Variants in DNAH12 observed in about 807,000 individuals in gnomAD.
The protein encoded by DNAH12 is axonemal beta dynein heavy chain 12.
DNAH12 carries 285 observed loss-of-function variants against 371.5 expected under a neutral mutation model. The observed-to-expected ratio is 0.77, with a 90% CI of 0.70 to 0.85. The LOEUF (loss-of-function observed/expected upper bound fraction) is 0.85, where lower values mean the gene tolerates loss of function less well. DNAH12 is among the 40% of genes least tolerant of loss of function. The pLI, the probability that DNAH12 is intolerant of heterozygous loss-of-function variation, is 0.00. For missense variants in DNAH12, 3,611 were observed against 3,689.4 expected, an observed-to-expected ratio of 0.98 and a Z score of 0.55; for synonymous variants, 1,200 against 1,213.0, an observed-to-expected ratio of 0.99 and a Z score of 0.22.
chr3:57,518,740 C>G (rs1214865985), intron 4 of DNAH12, among the ~76,000 whole-genome samples: 1 of 151,956 alleles, frequency 6.6e-6, no homozygotes, highest in Non-Finnish European at 1.5e-5. Context: ...CATGAGTAAC[C>G]GGATTGATGG....
intron 11 of DNAH12, among the ~76,000 whole-genome samples, chr3:57,500,237 C>T (rs1337098412): frequency 6.6e-6 from 1 of 152,066 alleles, no homozygotes; most frequent in Non-Finnish European, 1.5e-5. Context: ...GATGGGGTTT[C>T]GCCATGTTGG....
At position 57,468,750 on chromosome 3, in the gene DNAH12, T is replaced by C. The variant is rs914543332; in HGVS notation, c.2335A>G (p.Ile779Val). The C allele has an allele frequency of 1.4e-6, 2 of 1,443,920 alleles. No homozygotes were observed. Among genetic ancestry groups the C allele is most frequent in the Non-Finnish European group, 1.8e-6 (2 of 1,104,100 alleles). The allele number at this position is 1,443,920 out of a possible 1,614,324, so 89.4% of individuals were successfully genotyped here. Residue 779 changes from isoleucine to valine, a missense_variant, in exon 17 of 74, where the codon ATA becomes GTA. By Grantham distance (29) the Ile-to-Val change is conservative (BLOSUM62 3). Around this residue, in one of 3 missense-constraint regions of DNAH12, gnomAD observed 1,314 missense variants for 1,398.7 expected, o/e 0.94. Transcript: ENST00000495027. Reference sequence around the variant, plus strand: ...TATATTTATACCTTAAAAGCTTTTATCTGTTCCATGACTGTACTGCACATA... The same window carrying C: ...TATATTTATACCTTAAAAGCTTTTACCTGTTCCATGACTGTACTGCACATA... Reference protein sequence around the residue: ...ITMCSTVMEQIKAFKEYIPTV... With the variant: ...ITMCSTVMEQVKAFKEYIPTV...
rs577576871 is a variant in DNAH12 at position 57,466,401 on chromosome 3, T to C, written c.2349+2335A>G. ...TTAGACCACGCAAATGTATTCAACA[T>C]TGAAAATAATTTTTAAGTTAAAAAA... On this transcript the variant is annotated intron_variant, in intron 17 of 73. Transcript: ENST00000495027. Among the ~76,000 whole-genome samples the C allele has an allele frequency of 3.3e-5, 5 of 152,242 alleles. No homozygotes were observed. The South Asian group carries it at 1.0e-3, about 32-fold the overall frequency.
At position 57,492,977 on chromosome 3, in the gene DNAH12, C is replaced by A. The variant is rs567597579; in HGVS notation, c.1336-3290G>T. On this transcript the variant is annotated intron_variant, in intron 11 of 73. Transcript: ENST00000495027. ...TAGGGATGGCACCACTGCACTCCAG[C>A]CTGGGCGACAGGGCGAAACTCCATC... Among the ~76,000 whole-genome samples the A allele has an allele frequency of 4.6e-5, 7 of 151,678 alleles. 1 individual carries two copies. In the South Asian group the frequency reaches 1.5e-3, roughly 32 times the overall value.
In DNAH12 at chr3:57,382,281, G is replaced by T. The variant is rs2063409000; in HGVS notation, c.7973C>A (p.Pro2658His). The T allele has an allele frequency of 6.6e-6, 1 of 152,106 alleles. No individual in the cohort carries two copies. Among genetic ancestry groups the T allele is most frequent in the South Asian group, 2.1e-4 (1 of 4,834 alleles). 9.4% of individuals were successfully genotyped at this position (152,106 alleles called of 1,614,324 possible). A position where few individuals can be genotyped will look rare whatever the true frequency, so the allele number is the denominator to read the frequency against. ...KDIKPEKISD[P>H]SGTGGKILDY... ...TATTACCTTGCCTCCAGTCCCTGAA[G>T]GATCTGAAATTTTTTCTGGTTTTAT... Residue 2658 changes from proline to histidine, a missense_variant, in exon 50 of 74, where the codon CCT becomes CAT. By Grantham distance (77) the Pro-to-His change is moderately conservative. Coordinates refer to ENST00000495027, the MANE Select transcript of DNAH12 (RefSeq NM_001366028.2).
At chr3:57,314,445 C>T (rs2061643791) in intron 66 of DNAH12, 49 bp downstream of exon 66, 6 of 1,548,006 alleles carry the variant, frequency 3.9e-6, no homozygotes, top group Non-Finnish European at 5.2e-6. Flanking sequence ...TTGCCTAGGG[C>T]CTGATAAATA....
chr3:57,437,886 C>T (rs1436490530), intron 29 of DNAH12, among the ~76,000 whole-genome samples: 5 of 152,176 alleles, frequency 3.3e-5, no homozygotes, highest in Admixed American at 3.3e-4. Context: ...CATTTGAAGC[C>T]AGAAGTAAAC....
chr3:57,406,078 C>T (rs960349785), intron 40 of DNAH12, 126 bp from the exon 41 acceptor site: 17 of 1,007,448 alleles, frequency 1.7e-5, no homozygotes, highest in Non-Finnish European at 2.0e-5. Flanking sequence ...GGGCTGGGCG[C>T]GGTGGCTCAC....
chr3:57,430,067 T>C (rs2064910248), intron 32 of DNAH12, among the ~76,000 whole-genome samples: 1 of 152,102 alleles, frequency 6.6e-6, no homozygotes. Context: ...TAAAATCCTA[T>C]ACAAATATCG....
At chr3:57,415,057 T>C (rs1425509418) in intron 38 of DNAH12, among the ~76,000 whole-genome samples, 1 of 151,972 alleles carries the variant, frequency 6.6e-6, no homozygotes, top group Non-Finnish European at 1.5e-5. Context: ...TCCAGGAGGG[T>C]CTTGAGAGAA....
intron 39 of DNAH12, among the ~76,000 whole-genome samples, chr3:57,409,767 C>T (rs2064146639): frequency 6.6e-6 from 1 of 152,002 alleles, no homozygotes; most frequent in Non-Finnish European, 1.5e-5. Flanking sequence ...TCATGGCATA[C>T]TGAGGAATAG....
intron 32 of DNAH12, 145 bp from the exon 33 acceptor site, chr3:57,429,919 T>A: frequency 3.0e-6 from 2 of 658,068 alleles, no homozygotes; most frequent in Non-Finnish European, 4.9e-6. Context: ...TAATTCTAGG[T>A]CTAGCCCTGT....
intron 11 of DNAH12, among the ~76,000 whole-genome samples, chr3:57,499,645 A>ATATAT (rs1246732869): frequency 1.5e-3 from 35 of 23,352 alleles, no homozygotes; most frequent in Non-Finnish European, 2.9e-3. Flanking sequence ...AAAAAAAAAA[A>ATATAT]AAATATATAT....
intron 55 of DNAH12, among the ~76,000 whole-genome samples, chr3:57,373,248 C>T: frequency 6.6e-6 from 1 of 152,092 alleles, no homozygotes. Flanking sequence ...CAAGCTAGAC[C>T]AATCAGATGT....
chr3:57,446,231 A>G lies in DNAH12; in HGVS notation c.3979T>C (p.Phe1327Leu). The G allele has an allele frequency of 6.4e-7, 1 of 1,552,026 alleles. No individual in the cohort carries two copies. The highest frequency in any genetic ancestry group is 8.7e-7 in the Non-Finnish European group (1 of 1,147,060). The stretch of plus-strand genomic sequence containing the variant: ...AACTCAATTCGATTGAATTCATCAA[A>G]GCAAGCCCAAGCACCAGAAGAAGCC... ...GLASSGAWAC[F>L]DEFNRIELEV... The change falls in exon 27 of 74, where the codon TTT becomes CTT. Residue 1327 changes from phenylalanine to leucine, a missense_variant. Transcript: ENST00000495027.
chr3:57,378,062 G>A (rs983470622), intron 52 of DNAH12, among the ~76,000 whole-genome samples: 4 of 152,148 alleles, frequency 2.6e-5, no homozygotes, highest in African/African-American at 7.2e-5. Context: ...AAGAAAATGT[G>A]TTAAATAAGT....
chr3:57,498,795 C>T (rs546676377), intron 11 of DNAH12, among the ~76,000 whole-genome samples: 12 of 151,956 alleles, frequency 7.9e-5, no homozygotes, highest in Non-Finnish European at 1.0e-4. Context: ...GTCAGGAGGT[C>T]GAGACCATCC....
intron 50 of DNAH12, 71 bp downstream of exon 50, chr3:57,382,184 GTTGATAT>G (rs1316633024): frequency 6.6e-6 from 1 of 152,130 alleles, no homozygotes; most frequent in Non-Finnish European, 1.5e-5. Context: ...TTTGGGTACT[GTTGATAT>G]TTGATAATAG....
At chr3:57,445,089 T>C (rs577223008) in intron 28 of DNAH12, 85 bp downstream of exon 28, 1 of 1,384,372 alleles carries the variant, frequency 7.2e-7, no homozygotes, top group Admixed American at 2.7e-5. Flanking sequence ...CCCTCTCAAG[T>C]GCCTATTTGT....
Sources: allele counts gnomAD v4.1 joint callset (sites outside exome capture counted in the v4.1 genomes callset), GRCh38; gene constraint gnomAD v4.1.1; regional missense constraint gnomAD v4.1.1; transcripts MANE v1.5; gene names NCBI Gene and HGNC (gene_info 2026-07-23, HGNC 2026-07-21).